The following HEATR5A variants were observed in gnomAD, a reference collection of about 807,000 sequenced individuals.
HEATR5A encodes HEAT repeat containing 5A.
In HEATR5A, 178 loss-of-function variants were observed where a neutral mutation model predicts 218.8. The observed-to-expected ratio is 0.81, with a 90% CI of 0.72 to 0.92. HEATR5A has a LOEUF of 0.92. Among genes scored for constraint, HEATR5A ranks in the 40% least tolerant of loss-of-function variants. The pLI is 0.00. For missense variants in HEATR5A, 2,420 were observed against 2,418.9 expected, an observed-to-expected ratio of 1.00 and a Z score of -0.01; for synonymous variants, 864 against 871.6, an observed-to-expected ratio of 0.99 and a Z score of 0.15.
intron 22 of HEATR5A, among the ~76,000 whole-genome samples, chr14:31,329,521 A>G (rs1056718826): frequency 2.0e-5 from 3 of 152,188 alleles, no homozygotes; most frequent in African/African-American, 4.8e-5. Context: ...CTTTGATTCC[A>G]TGTCTCATAT....
chr14:31,302,991 G>C (rs1015451221), intron 32 of HEATR5A, among the ~76,000 whole-genome samples: 7 of 150,166 alleles, frequency 4.7e-5, no homozygotes, highest in Non-Finnish European at 1.0e-4. Flanking sequence ...GTGCGCCTGT[G>C]GTCCCAGCTA....
intron 4 of HEATR5A, among the ~76,000 whole-genome samples, chr14:31,396,935 T>C (rs550548600): frequency 6.6e-6 from 1 of 152,314 alleles, no homozygotes; most frequent in South Asian, 2.1e-4. Flanking sequence ...CCAGTGGAAT[T>C]AGGAGGAAGA....
At chr14:31,329,556 G>C (rs1218363333) in intron 22 of HEATR5A, among the ~76,000 whole-genome samples, 1 of 152,040 alleles carries the variant, frequency 6.6e-6, no homozygotes, top group Non-Finnish European at 1.5e-5. Context: ...TGCAAGAGGT[G>C]GGCTCCTACA....
chr14:31,413,587 G>A (rs2031356758), intron 1 of HEATR5A, among the ~76,000 whole-genome samples: 1 of 152,056 alleles, frequency 6.6e-6, no homozygotes, highest in Non-Finnish European at 1.5e-5. Flanking sequence ...GAGGGGATAA[G>A]ACTGAGCAGT....
intron 28 of HEATR5A, among the ~76,000 whole-genome samples, chr14:31,309,605 A>G (rs994933309): frequency 6.6e-6 from 1 of 152,098 alleles, no homozygotes; most frequent in Non-Finnish European, 1.5e-5. Flanking sequence ...TAATTTAATC[A>G]TAAACATTTT....
At chr14:31,346,992 T>C (rs1901043782) in intron 19 of HEATR5A, among the ~76,000 whole-genome samples, 1 of 152,196 alleles carries the variant, frequency 6.6e-6, no homozygotes. Flanking sequence ...GTCTATGACT[T>C]GTGTTCTTGA....
rs373878045 is a variant in HEATR5A, at chr14:31,358,759, C to T, written c.2289G>A (p.Ser763=). The change falls in exon 16 of 36, where the codon TCG becomes TCA. Residue 763 remains serine, a synonymous_variant. Transcript: ENST00000543095. ...ACGSLEYDPY[S]IYEKDVEGDS... is the part of the protein sequence containing the mutation. ...CTCCCTCTACATCTTTCTCATAAAT[C>T]GAATAAGGGTCATATTCAAGACTTC... 99 of 1,613,612 alleles carry T rather than the reference C, an allele frequency of 6.1e-5. No individual in the cohort carries two copies. The highest frequency in any genetic ancestry group is 7.6e-5 in the Non-Finnish European group (90 of 1,179,852).
intron 19 of HEATR5A, among the ~76,000 whole-genome samples, chr14:31,347,376 T>C (rs1164427643): frequency 6.6e-6 from 1 of 152,168 alleles, no homozygotes; most frequent in Non-Finnish European, 1.5e-5. Context: ...CATGCCCGGC[T>C]AATTTTTGTA....
chr14:31,396,305 C>G (rs1318448216), intron 4 of HEATR5A, among the ~76,000 whole-genome samples: 1 of 151,808 alleles, frequency 6.6e-6, no homozygotes. Context: ...TACTGAGAGG[C>G]TGAGGTGGGA....
intron 24 of HEATR5A, 63 bp from the exon 25 acceptor site, chr14:31,321,743 G>C: frequency 2.4e-6 from 3 of 1,240,768 alleles, no homozygotes; most frequent in Non-Finnish European, 3.3e-6. Flanking sequence ...AAATGTGCTG[G>C]AACTAAGACT....
intron 26 of HEATR5A, among the ~76,000 whole-genome samples, chr14:31,316,372 T>C (rs1180909848): frequency 6.6e-6 from 1 of 152,180 alleles, no homozygotes; most frequent in Admixed American, 6.6e-5. Context: ...CACTCACATT[T>C]CAAGAATCTA....
Position 31,420,458 on chromosome 14 carries a change from C to A in HEATR5A, c.-75+14G>T, listed in dbSNP as rs530837941. ...CCGGAGGTGTCCCCGCTCCCTGGATCCCCGACTGCCTGCCTTTGGGGGTCC... is the reference window on the plus strand; with the variant it reads ...CCGGAGGTGTCCCCGCTCCCTGGATACCCGACTGCCTGCCTTTGGGGGTCC... On this transcript the variant is annotated intron_variant, in intron 1 of 35. Transcript: ENST00000543095. 6.5e-6 allele frequency: 1 copy of A among 153,278 alleles called. No homozygotes were observed. Among genetic ancestry groups the A allele is most frequent in the African/African-American group, 2.4e-5 (1 of 41,406 alleles). 9.5% of individuals were successfully genotyped at this position (153,278 alleles called of 1,614,324 possible). A position where few individuals can be genotyped will look rare whatever the true frequency, so the allele number is the denominator to read the frequency against.
intron 1 of HEATR5A, among the ~76,000 whole-genome samples, chr14:31,406,447 T>C (rs150839135): frequency 3.9e-4 from 60 of 152,346 alleles, no homozygotes; most frequent in African/African-American, 1.4e-3. Flanking sequence ...TGCTTTACAT[T>C]ATTTCCTTGA....
intron 21 of HEATR5A, among the ~76,000 whole-genome samples, chr14:31,341,759 T>A (rs770902195): frequency 2.0e-5 from 3 of 152,090 alleles, no homozygotes; most frequent in Non-Finnish European, 4.4e-5. Flanking sequence ...CTCAATAAAC[T>A]TTAATTAATA....
At position 31,381,383 on chromosome 14, in the gene HEATR5A, T is replaced by C. The variant is rs553945986; in HGVS notation, c.1597-805A>G. Among the ~76,000 whole-genome samples, 63 of 151,862 alleles carry C rather than the reference T, an allele frequency of 4.1e-4. 3 individuals are homozygous for C. The South Asian group carries it at 0.013, about 31-fold the overall frequency. On this transcript the variant is annotated intron_variant, in intron 10 of 35. Transcript: ENST00000543095. ...AAGAGTGAAATTTATTAAAATGTTA[T>C]AGTAAAAAAGTCTATGAGGCTGGGC...
At position 31,386,488 on chromosome 14, in the gene HEATR5A, T is replaced by C. The variant is rs778239118; in HGVS notation, c.1277A>G (p.Gln426Arg). 2 of 1,613,676 alleles carry C rather than the reference T, an allele frequency of 1.2e-6. No homozygotes were observed. The highest frequency in any genetic ancestry group is 4.5e-5 in the East Asian group (2 of 44,866). The change falls in exon 9 of 36, where the codon CAA becomes CGA. Residue 426 changes from glutamine to arginine, a missense_variant. Gln to Arg is a conservative substitution (Grantham distance 43). Transcript: ENST00000543095. ...ASQHMLVCAL[Q>R]ELGNLIHNLG... is the part of the protein sequence containing the mutation. ...ATTGTGTATGAGATTTCCAAGTTCT[T>C]GTAAAGCACAAACCAGCATATGTTG...
intron 28 of HEATR5A, 138 bp downstream of exon 28, chr14:31,312,830 A>T: frequency 1.1e-5 from 7 of 662,634 alleles, no homozygotes; most frequent in Non-Finnish European, 1.8e-5. Context: ...CCCAGGAGGC[A>T]GAGGTTGCAG....
intron 13 of HEATR5A, among the ~76,000 whole-genome samples, chr14:31,369,141 T>G (rs769907454): frequency 7.3e-5 from 11 of 151,172 alleles, no homozygotes; most frequent in Non-Finnish European, 1.3e-4. Context: ...TACAAAAAAG[T>G]AAAAAATTAG....
At chr14:31,387,748 G>C (rs568099722) in intron 7 of HEATR5A, among the ~76,000 whole-genome samples, 33 of 152,238 alleles carry the variant, frequency 2.2e-4, no homozygotes, top group Admixed American at 1.8e-3. Flanking sequence ...TTTTAGTAGA[G>C]ACGGGGTTTC....
Sources: allele counts gnomAD v4.1 joint callset (sites outside exome capture counted in the v4.1 genomes callset), GRCh38; gene constraint gnomAD v4.1.1; transcripts MANE v1.5; gene names NCBI Gene and HGNC (gene_info 2026-07-23, HGNC 2026-07-21).